The following MAST2 variants were observed in gnomAD, a reference collection of about 807,000 sequenced individuals.
MAST2 encodes the protein microtubule associated serine/threonine kinase 2.
In MAST2, 70 loss-of-function variants were observed where a neutral mutation model predicts 147.4. The observed-to-expected ratio is 0.47, with a 90% CI of 0.39 to 0.58. MAST2 has a LOEUF of 0.58. Among genes scored for constraint, MAST2 ranks in the 20% least tolerant of loss-of-function variants. The pLI is 0.00. For missense variants in MAST2, 2,080 were observed against 2,302.3 expected, an observed-to-expected ratio of 0.90 and a Z score of 1.98; for synonymous variants, 869 against 896.8, an observed-to-expected ratio of 0.97 and a Z score of 0.55.
intron 5 of MAST2, among the ~76,000 whole-genome samples, chr1:45,993,988 T>A (rs1644950524): frequency 6.6e-6 from 1 of 152,152 alleles, no homozygotes; most frequent in South Asian, 2.1e-4. Flanking sequence ...AGAAAACATG[T>A]GTAGGACAAG....
At chr1:45,804,192 G>A (rs918642299) in intron 1 of MAST2, 120 bp downstream of exon 1, 20 of 1,189,152 alleles carry the variant, frequency 1.7e-5, no homozygotes, top group Non-Finnish European at 2.1e-5. Context: ...TTCGCGGGGA[G>A]GAGTGGGAGG....
intron 5 of MAST2, among the ~76,000 whole-genome samples, chr1:45,968,044 A>G (rs749443836): frequency 2.3e-4 from 35 of 152,206 alleles, no homozygotes; most frequent in Non-Finnish European, 5.0e-4. Flanking sequence ...CACCAACATG[A>G]ACCTCACAGG....
Position 46,031,059 on chromosome 1 carries a change from A to G in MAST2, c.2761A>G (p.Ser921Gly), listed in dbSNP as rs1646641957. Residue 921 changes from serine (S) to glycine (G), a missense_variant, in exon 23 of 29, where the codon AGC becomes GGC. Ser to Gly is a moderately conservative substitution (Grantham distance 56). Coordinates refer to ENST00000361297, the MANE Select transcript of MAST2 (RefSeq NM_015112.3). The surrounding 1 kb of genome is among the most constrained non-coding windows in gnomAD (Gnocchi z 4.1). ...GTCATCCCACACAGAGAGTGACTCAAGCCCTCCAATGACAGTGCGACGCCG... is the reference window on the plus strand; with the variant it reads ...GTCATCCCACACAGAGAGTGACTCAGGCCCTCCAATGACAGTGCGACGCCG... The part of the protein sequence containing the change: ...SESSHTESDS[S>G]PPMTVRRRCS... 4 of 1,613,862 alleles carry G rather than the reference A, an allele frequency of 2.5e-6. No individual in the cohort carries two copies. The highest frequency in any genetic ancestry group is 3.4e-6 in the Non-Finnish European group (4 of 1,179,858).
intron 3 of MAST2, among the ~76,000 whole-genome samples, chr1:45,873,207 T>G (rs532506105): frequency 1.4e-3 from 211 of 150,774 alleles, no homozygotes; most frequent in African/African-American, 4.7e-3. Context: ...TTTTTTCTCT[T>G]TTTTGAGACA....
At chr1:45,871,421 A>G (rs1286016142) in intron 3 of MAST2, among the ~76,000 whole-genome samples, 1 of 152,188 alleles carries the variant, frequency 6.6e-6, no homozygotes, top group Non-Finnish European at 1.5e-5. Context: ...AAAAACAACA[A>G]CAAAACCATG....
At chr1:45,821,551 C>T (rs1177823683) in intron 1 of MAST2, among the ~76,000 whole-genome samples, 6 of 117,494 alleles carry the variant, frequency 5.1e-5, no homozygotes, top group Admixed American at 2.3e-4. Flanking sequence ...GACAGAGTCT[C>T]GTTCTGTTAC....
chr1:45,815,349 T>C (rs1463802927), intron 1 of MAST2, among the ~76,000 whole-genome samples: 3 of 152,072 alleles, frequency 2.0e-5, no homozygotes, highest in African/African-American at 7.2e-5. Context: ...TTTATGTTTT[T>C]AGTAGAGATG....
intron 3 of MAST2, chr1:45,847,123 T>G (rs1053494484): frequency 4.0e-6 from 2 of 494,480 alleles, no homozygotes; most frequent in African/African-American, 4.0e-5. Context: ...TTAGCACAGA[T>G]TTTTCTCATT....
chr1:45,886,338 AC>A (rs1388532301), intron 4 of MAST2, among the ~76,000 whole-genome samples: 14 of 150,746 alleles, frequency 9.3e-5, no homozygotes, highest in African/African-American at 3.4e-4. Context: ...ACACACACAC[AC>A]ACACACACAT....
At chr1:45,831,030 GAAAA>G (rs11302327) in intron 3 of MAST2, among the ~76,000 whole-genome samples, 12 of 116,314 alleles carry the variant, frequency 1.0e-4, no homozygotes, top group Non-Finnish European at 1.6e-4. Flanking sequence ...ACCTTGTCTG[GAAAA>G]AAAAAAAAAA....
intron 9 of MAST2, 55 bp from the exon 10 acceptor site, chr1:46,010,675 C>T: frequency 6.6e-7 from 1 of 1,522,988 alleles, no homozygotes; most frequent in East Asian, 2.3e-5. Flanking sequence ...TCAGGCTTAG[C>T]TCCAACTGAG....
chr1:45,957,973 G>A (rs1053531771), intron 4 of MAST2, among the ~76,000 whole-genome samples: 7 of 152,138 alleles, frequency 4.6e-5, no homozygotes, highest in African/African-American at 1.4e-4. Flanking sequence ...ATTTAAAGCA[G>A]ACACTCAGAA....
At chr1:45,852,987 G>T (rs1372384298) in intron 3 of MAST2, among the ~76,000 whole-genome samples, 2 of 152,080 alleles carry the variant, frequency 1.3e-5, no homozygotes, top group African/African-American at 4.8e-5. Flanking sequence ...CTGGAGTGCA[G>T]TGGCATGATC....
intron 1 of MAST2, among the ~76,000 whole-genome samples, chr1:45,810,057 A>G (rs914059678): frequency 6.6e-6 from 1 of 152,228 alleles, no homozygotes; most frequent in African/African-American, 2.4e-5. Context: ...TGAAGGTAAG[A>G]ACTATGTCAT....
chr1:45,875,656 A>G (rs1646575755), intron 3 of MAST2, among the ~76,000 whole-genome samples: 2 of 152,058 alleles, frequency 1.3e-5, no homozygotes, highest in South Asian at 4.1e-4. Context: ...CAGATTAAAG[A>G]TAGATATTTT....
chr1:45,973,035 A>C (rs763477939), intron 5 of MAST2, among the ~76,000 whole-genome samples: 10 of 152,126 alleles, frequency 6.6e-5, no homozygotes, highest in Non-Finnish European at 1.3e-4. Flanking sequence ...ACATATCATT[A>C]ATTTGTATCA....
At chr1:45,881,061 A>G (rs1208135195) in intron 3 of MAST2, among the ~76,000 whole-genome samples, 1 of 152,160 alleles carries the variant, frequency 6.6e-6, no homozygotes, top group Non-Finnish European at 1.5e-5. Context: ...TGAGGGATAT[A>G]TTTCTTACAT....
intron 3 of MAST2, among the ~76,000 whole-genome samples, chr1:45,864,839 G>A (rs1646091847): frequency 6.6e-6 from 1 of 152,192 alleles, no homozygotes; most frequent in African/African-American, 2.4e-5. Context: ...AAAGGGGTAT[G>A]CATGGAAAAT....
At chr1:45,842,978 C>T (rs1645322840) in intron 3 of MAST2, among the ~76,000 whole-genome samples, 1 of 152,122 alleles carries the variant, frequency 6.6e-6, no homozygotes, top group South Asian at 2.1e-4. Flanking sequence ...TTTAGTTATA[C>T]TATCCTGGTG....
Sources: gnomAD v4.1 joint callset for allele counts (sites outside exome capture counted in the v4.1 genomes callset) on GRCh38, gnomAD v4.1.1 for gene constraint, Gnocchi (gnomAD v3.1) non-coding constraint, MANE v1.5 for transcripts, NCBI Gene and HGNC (gene_info 2026-07-23, HGNC 2026-07-21) for gene names.